Variants in GALNT13 observed in about 807,000 individuals in gnomAD.
GALNT13 encodes the protein UDP-GalNAc:polypeptide N-acetylgalactosaminyltransferase 13.
GALNT13 carries 28 observed loss-of-function variants against 64.2 expected under a neutral mutation model. The observed-to-expected ratio is 0.44, with a 90% confidence interval of 0.32 to 0.60. The LOEUF (loss-of-function observed/expected upper bound fraction) is 0.60, where lower values mean the gene tolerates loss of function less well. Among genes scored for constraint, GALNT13 ranks in the 20% least tolerant of loss-of-function variants. The pLI is 0.05. For synonymous variants in GALNT13, 214 were observed against 224.6 expected (o/e 0.95, Z 0.42); for missense variants, 577 against 669.8 (o/e 0.86, Z 1.53).
chr2:153,226,050 C>T, the GALNT13 span, among the ~76,000 whole-genome samples: 2 of 152,166 alleles, frequency 1.3e-5, no homozygotes, highest in African/African-American at 4.8e-5. Context: ...TCTCCTGCTT[C>T]AGCCTCCTTA....
intron 3 of GALNT13, among the ~76,000 whole-genome samples, chr2:153,992,182 A>G (rs902291934): frequency 6.6e-6 from 1 of 152,188 alleles, no homozygotes; most frequent in African/African-American, 2.4e-5. Context: ...ATAACTAGAA[A>G]AACAGCAACC....
At chr2:154,282,593 TA>T (rs1219616862) in intron 8 of GALNT13, among the ~76,000 whole-genome samples, 2 of 152,194 alleles carry the variant, frequency 1.3e-5, no homozygotes, top group Non-Finnish European at 2.9e-5. Context: ...CTCTCCAGAT[TA>T]AATGACTTGT....
chr2:153,413,040 A>C, the GALNT13 span, among the ~76,000 whole-genome samples: 268 of 152,316 alleles, frequency 1.8e-3, 6 homozygotes, highest in East Asian at 0.036. Context: ...GGCTAGCAGC[A>C]TCTATAGACA....
At chr2:153,722,676 C>T in the GALNT13 span, among the ~76,000 whole-genome samples, 52 of 152,308 alleles carry the variant, frequency 3.4e-4, no homozygotes, top group East Asian at 8.1e-3. Context: ...CTACAAACAC[C>T]TCTGTGCAAA....
intron 11 of GALNT13, among the ~76,000 whole-genome samples, chr2:154,431,964 C>G (rs540255937): frequency 1.0e-3 from 158 of 152,268 alleles, no homozygotes; most frequent in African/African-American, 3.6e-3. Context: ...ATTACCCAGT[C>G]TTAGGTATGT....
At chr2:153,587,977 G>A in the GALNT13 span, among the ~76,000 whole-genome samples, 1 of 152,324 alleles carries the variant, frequency 6.6e-6, no homozygotes, top group Admixed American at 6.5e-5. Flanking sequence ...AGGGGCTACA[G>A]GCCCCATGCA....
chr2:154,385,079 C>T (rs943190003), intron 9 of GALNT13, among the ~76,000 whole-genome samples: 1 of 151,934 alleles, frequency 6.6e-6, no homozygotes, highest in African/African-American at 2.4e-5. Flanking sequence ...GATTATAAAA[C>T]ATAGCACTAT....
chr2:153,422,118 A>G, the GALNT13 span, among the ~76,000 whole-genome samples: 1 of 152,224 alleles, frequency 6.6e-6, no homozygotes, highest in African/African-American at 2.4e-5. Context: ...AGAAATGATA[A>G]TGGAAATTCG....
chr2:154,153,152 T>C (rs1314785383), intron 4 of GALNT13, among the ~76,000 whole-genome samples: 7 of 152,316 alleles, frequency 4.6e-5, no homozygotes, highest in South Asian at 2.1e-4. Context: ...TTCTAACAGA[T>C]AGGACCCTTA....
intron 3 of GALNT13, among the ~76,000 whole-genome samples, chr2:154,015,259 T>A (rs1696927495): frequency 6.6e-6 from 1 of 152,214 alleles, no homozygotes; most frequent in Non-Finnish European, 1.5e-5. Context: ...AAATCTGATT[T>A]AGTGAATTTA....
chr2:153,069,179 T>C, the GALNT13 span, among the ~76,000 whole-genome samples: 2 of 152,198 alleles, frequency 1.3e-5, no homozygotes, highest in Non-Finnish European at 2.9e-5. Flanking sequence ...TTCATTCTTA[T>C]CTTGGAAGCC....
intron 7 of GALNT13, among the ~76,000 whole-genome samples, chr2:154,256,794 T>A (rs1019102578): frequency 6.6e-6 from 1 of 152,190 alleles, no homozygotes; most frequent in Non-Finnish European, 1.5e-5. Context: ...ACTATTCCCC[T>A]CTCGTTCAAT....
At chr2:153,630,793 ATATATATATATATAT>A in the GALNT13 span, among the ~76,000 whole-genome samples, 84 of 13,256 alleles carry the variant, frequency 6.3e-3, no homozygotes, top group South Asian at 0.11. Context: ...ATATATATAT[ATATATATATATATAT>A]TTTTTTTTTT....
chr2:153,333,640 T>C, the GALNT13 span, among the ~76,000 whole-genome samples: 1 of 152,176 alleles, frequency 6.6e-6, no homozygotes, highest in Admixed American at 6.5e-5. Context: ...TCCTAGAAGA[T>C]GAGATATTTT....
chr2:153,375,714 A>G, the GALNT13 span, among the ~76,000 whole-genome samples: 18,101 of 152,202 alleles, frequency 0.12, 1,231 homozygotes, highest in Middle Eastern at 0.17. Context: ...CATTCAGACT[A>G]TGTGGTCAGT....
the GALNT13 span, among the ~76,000 whole-genome samples, chr2:153,717,595 C>T: frequency 2.5e-4 from 38 of 152,206 alleles, no homozygotes; most frequent in African/African-American, 8.9e-4. Flanking sequence ...ACACAAATTG[C>T]GTTCTTGTAT....
At chr2:153,801,143 G>A in the GALNT13 span, among the ~76,000 whole-genome samples, 1 of 151,514 alleles carries the variant, frequency 6.6e-6, no homozygotes, top group African/African-American at 2.4e-5. Context: ...GTTGTGGCTT[G>A]TTTGATCTTC....
intron 9 of GALNT13, among the ~76,000 whole-genome samples, chr2:154,389,010 T>G (rs1365651910): frequency 6.6e-6 from 1 of 152,236 alleles, no homozygotes; most frequent in Non-Finnish European, 1.5e-5. Flanking sequence ...TAAACATTCA[T>G]GTGGCTTAAC....
chr2:154,027,262 T>G (rs1698036443), intron 3 of GALNT13, among the ~76,000 whole-genome samples: 1 of 152,226 alleles, frequency 6.6e-6, no homozygotes, highest in South Asian at 2.1e-4. Flanking sequence ...TCCATCTGCC[T>G]TGTTTATCAC....
Sources: allele counts gnomAD v4.1 joint callset (sites outside exome capture counted in the v4.1 genomes callset), GRCh38; gene constraint gnomAD v4.1.1; transcripts MANE v1.5; gene names NCBI Gene and HGNC (gene_info 2026-07-23, HGNC 2026-07-21).